Variants in GLB1 observed in about 807,000 individuals in gnomAD.
GLB1 encodes galactosidase beta 1, also known as beta-galactosidase.
In GLB1, 56 loss-of-function variants were observed where a neutral mutation model predicts 74.0. The observed-to-expected ratio is 0.76, with a 90% CI of 0.61 to 0.94. The LOEUF is 0.94. GLB1 is among the 40% of genes least tolerant of loss of function. The pLI is 0.00. For synonymous variants in GLB1, 323 were observed against 323.6 expected (o/e 1.00, Z 0.02); for missense variants, 787 against 845.5 (o/e 0.93, Z 0.86).
intron 10 of GLB1, chr3:33,030,503 C>T: frequency 1.0e-6 from 1 of 985,450 alleles, no homozygotes. Flanking sequence ...TTCACCAGCA[C>T]TATACATCAG....
chr3:32,965,812 T>C, the GLB1 span, among the ~76,000 whole-genome samples: 5 of 152,154 alleles, frequency 3.3e-5, no homozygotes, highest in African/African-American at 1.2e-4. Context: ...GTGCCCTGTG[T>C]CCCAGCCACT....
the GLB1 span, among the ~76,000 whole-genome samples, chr3:32,963,637 T>TACACTC: frequency 6.6e-6 from 1 of 151,228 alleles, no homozygotes; most frequent in Non-Finnish European, 1.5e-5. Context: ...TAAATTAACA[T>TACACTC]ATACTATGAA....
chr3:33,002,568 A>T (rs1696624453), intron 15 of GLB1, among the ~76,000 whole-genome samples: 1 of 151,992 alleles, frequency 6.6e-6, no homozygotes, highest in South Asian at 2.1e-4. Flanking sequence ...ATGGCCAGCT[A>T]ACTTAAAAAC....
chr3:33,018,602 C>T (rs760810403), intron 12 of GLB1, 41 bp from the exon 13 acceptor site: 38 of 1,603,328 alleles, frequency 2.4e-5, no homozygotes, highest in East Asian at 2.2e-5. Context: ...TCACTATTGC[C>T]ATTCATTTAG....
At chr3:32,980,654 G>A in the GLB1 span, among the ~76,000 whole-genome samples, 1 of 151,690 alleles carries the variant, frequency 6.6e-6, no homozygotes, top group Non-Finnish European at 1.5e-5. Flanking sequence ...GGTGGCGTGT[G>A]CCTGTAATCC....
chr3:33,038,806 T>A (rs1251298763), intron 10 of GLB1, among the ~76,000 whole-genome samples: 1 of 152,174 alleles, frequency 6.6e-6, no homozygotes, highest in African/African-American at 2.4e-5. Context: ...ACTTTCAAAT[T>A]AGCTTAATCC....
chr3:32,968,472 G>C, the GLB1 span, among the ~76,000 whole-genome samples: 1 of 152,198 alleles, frequency 6.6e-6, no homozygotes, highest in East Asian at 1.9e-4. Context: ...TGCTCTAAAA[G>C]TGTCCAGCAT....
chr3:33,018,602 C>A, intron 12 of GLB1, 41 bp from the exon 13 acceptor site: 1 of 1,603,328 alleles, frequency 6.2e-7, no homozygotes, highest in Non-Finnish European at 8.5e-7. Flanking sequence ...TCACTATTGC[C>A]ATTCATTTAG....
At chr3:33,038,496 A>G (rs1698377536) in intron 10 of GLB1, among the ~76,000 whole-genome samples, 1 of 152,242 alleles carries the variant, frequency 6.6e-6, no homozygotes, top group Non-Finnish European at 1.5e-5. Context: ...AAAGCATCAG[A>G]AAGCTACCAA....
chr3:32,982,673 AT>A, the GLB1 span, among the ~76,000 whole-genome samples: 1 of 152,176 alleles, frequency 6.6e-6, no homozygotes, highest in Admixed American at 6.5e-5. Context: ...CATGTCATGA[AT>A]TTAATATTTG....
chr3:33,008,008 C>G (rs1696854462), intron 15 of GLB1, among the ~76,000 whole-genome samples: 1 of 152,216 alleles, frequency 6.6e-6, no homozygotes, highest in African/African-American at 2.4e-5. Flanking sequence ...AATGATCCAT[C>G]TACCACAGGT....
At chr3:32,968,163 A>C in the GLB1 span, among the ~76,000 whole-genome samples, 3 of 152,230 alleles carry the variant, frequency 2.0e-5, no homozygotes, top group South Asian at 2.1e-4. Context: ...AGCAGCCCTT[A>C]CGGGAAGAGA....
At chr3:32,966,091 C>T in the GLB1 span, among the ~76,000 whole-genome samples, 1 of 152,208 alleles carries the variant, frequency 6.6e-6, no homozygotes, top group Non-Finnish European at 1.5e-5. Context: ...ACAAAGTCTC[C>T]ACTGCTGTAT....
At chr3:33,001,172 CTCT>C (rs1696549402) in intron 15 of GLB1, among the ~76,000 whole-genome samples, 1 of 151,322 alleles carries the variant, frequency 6.6e-6, no homozygotes, top group African/African-American at 2.4e-5. Context: ...TTCTCCTCTC[CTCT>C]TCTCCTTCTC....
the GLB1 span, among the ~76,000 whole-genome samples, chr3:32,990,878 G>A: frequency 6.6e-6 from 1 of 152,116 alleles, no homozygotes; most frequent in African/African-American, 2.4e-5. Flanking sequence ...GGAGGCTGAG[G>A]CAGGAGAATG....
chr3:33,046,532 A>G (rs1264564120), intron 9 of GLB1, among the ~76,000 whole-genome samples: 5 of 152,056 alleles, frequency 3.3e-5, no homozygotes, highest in African/African-American at 1.2e-4. Context: ...AGGGAATCTG[A>G]AGCTCCCCAC....
chr3:33,017,278 C>T (rs1156303377), intron 13 of GLB1, among the ~76,000 whole-genome samples: 2 of 152,200 alleles, frequency 1.3e-5, no homozygotes, highest in African/African-American at 4.8e-5. Context: ...GGAGTATTCT[C>T]ACCTCAAAAT....
rs993380472 is a variant in GLB1 at position 33,093,818 on chromosome 3, G to T, written c.75+3193C>A. On this transcript the variant is annotated intron_variant, in intron 1 of 15. Transcript: ENST00000307363. This position sits in a 1 kb window ranked among gnomAD's most constrained non-coding sequence, Gnocchi z 6.0. Reference sequence around the variant, plus strand: ...GGATGAAGAGGAAGAAGAGCATGATGATGTAAGCACCCAGGCAGGAGTAGG... The same window carrying T: ...GGATGAAGAGGAAGAAGAGCATGATTATGTAAGCACCCAGGCAGGAGTAGG... 5 of 1,613,552 alleles carry T rather than the reference G, an allele frequency of 3.1e-6. No individual in the cohort carries two copies. The highest frequency in any genetic ancestry group is 4.2e-6 in the Non-Finnish European group (5 of 1,179,728).
At chr3:32,971,587 G>C in the GLB1 span, among the ~76,000 whole-genome samples, 1 of 152,168 alleles carries the variant, frequency 6.6e-6, no homozygotes, top group Non-Finnish European at 1.5e-5. Context: ...TAAACCAAAA[G>C]CCTCAGCCAG....
Sources: gnomAD v4.1 joint callset for allele counts (sites outside exome capture counted in the v4.1 genomes callset) on GRCh38, gnomAD v4.1.1 for gene constraint, Gnocchi (gnomAD v3.1) non-coding constraint, MANE v1.5 for transcripts, NCBI Gene and HGNC (gene_info 2026-07-23, HGNC 2026-07-21) for gene names.